Variants in SPOCK3 observed in about 807,000 individuals in gnomAD.
SPOCK3 encodes the protein SPARC (osteonectin), cwcv and kazal like domains proteoglycan 3, also known as testican-3.
SPOCK3 carries 30 observed loss-of-function variants against 56.6 expected under a neutral mutation model. The ratio of observed to expected loss-of-function variants is 0.53; its 90% confidence interval spans 0.40 to 0.72. The LOEUF is 0.72. SPOCK3 is among the 30% of genes least tolerant of loss of function. The pLI is 0.00. For synonymous variants in SPOCK3, 196 were observed against 183.3 expected (o/e 1.07, Z -0.56); for missense variants, 527 against 530.0 (o/e 0.99, Z 0.06).
At chr4:166,771,752 G>T (rs1173110680) in intron 7 of SPOCK3, among the ~76,000 whole-genome samples, 1 of 151,962 alleles carries the variant, frequency 6.6e-6, no homozygotes, top group Admixed American at 6.6e-5. Context: ...AAAATTATTG[G>T]AAGTTTAAAT....
At chr4:166,818,003 T>G (rs1020762331) in intron 6 of SPOCK3, among the ~76,000 whole-genome samples, 1 of 152,100 alleles carries the variant, frequency 6.6e-6, no homozygotes, top group Admixed American at 6.6e-5. Flanking sequence ...TAATGTTCAT[T>G]TTTTTAAATT....
intron 6 of SPOCK3, among the ~76,000 whole-genome samples, chr4:166,848,923 C>T (rs1031317794): frequency 3.6e-4 from 55 of 152,216 alleles, no homozygotes; most frequent in African/African-American, 9.4e-4. Flanking sequence ...TAAACTATGT[C>T]GTTGATTGCT....
chr4:167,211,906 G>T (rs976243763), intron 2 of SPOCK3, among the ~76,000 whole-genome samples: 2 of 152,144 alleles, frequency 1.3e-5, no homozygotes, highest in Non-Finnish European at 2.9e-5. Context: ...GAGCTATGCA[G>T]ATATAAAACA....
chr4:167,197,323 A>G (rs1733050201), intron 2 of SPOCK3, among the ~76,000 whole-genome samples: 1 of 152,188 alleles, frequency 6.6e-6, no homozygotes, highest in Admixed American at 6.5e-5. Context: ...ATTAAGGAGT[A>G]CCTTCTCAGC....
chr4:167,155,866 T>C, intron 2 of SPOCK3, among the ~76,000 whole-genome samples: 1 of 152,168 alleles, frequency 6.6e-6, no homozygotes, highest in East Asian at 1.9e-4. Flanking sequence ...AAATACCTAA[T>C]GCATGCAGAG....
chr4:167,195,320 A>T (rs1166226606), intron 2 of SPOCK3, among the ~76,000 whole-genome samples: 1 of 152,156 alleles, frequency 6.6e-6, no homozygotes, highest in Non-Finnish European at 1.5e-5. Context: ...GGGACTGAGG[A>T]TGAGTTACAA....
At chr4:167,096,956 T>C (rs2150318165) in intron 2 of SPOCK3, among the ~76,000 whole-genome samples, 1 of 151,930 alleles carries the variant, frequency 6.6e-6, no homozygotes, top group East Asian at 1.9e-4. Context: ...TACATACATG[T>C]TTAGTATTGT....
intron 2 of SPOCK3, among the ~76,000 whole-genome samples, chr4:167,119,292 C>G (rs929129271): frequency 2.0e-5 from 3 of 152,162 alleles, no homozygotes; most frequent in East Asian, 1.9e-4. Flanking sequence ...TCAACAATCT[C>G]TCACATAGAG....
At chr4:166,845,235 T>G (rs748943530) in intron 6 of SPOCK3, among the ~76,000 whole-genome samples, 1 of 152,190 alleles carries the variant, frequency 6.6e-6, no homozygotes, top group Non-Finnish European at 1.5e-5. Context: ...GTTGAAATCA[T>G]ATAATAATTA....
At chr4:167,224,807 C>T (rs762713824) in intron 2 of SPOCK3, among the ~76,000 whole-genome samples, 9 of 152,020 alleles carry the variant, frequency 5.9e-5, no homozygotes, top group Admixed American at 3.3e-4. Flanking sequence ...GCTGGGATTA[C>T]AGGCACGTGC....
chr4:167,203,389 C>G (rs971765089), intron 2 of SPOCK3, among the ~76,000 whole-genome samples: 2 of 151,698 alleles, frequency 1.3e-5, no homozygotes, highest in Non-Finnish European at 2.9e-5. Flanking sequence ...CTTTTGGATG[C>G]CATTACAGCA....
chr4:166,926,457 C>A, intron 4 of SPOCK3, among the ~76,000 whole-genome samples: 1 of 152,002 alleles, frequency 6.6e-6, no homozygotes, highest in East Asian at 1.9e-4. Flanking sequence ...TCAGGCTATG[C>A]TATTCAGATC....
intron 6 of SPOCK3, among the ~76,000 whole-genome samples, chr4:166,831,949 T>C (rs911278235): frequency 1.3e-5 from 2 of 151,988 alleles, no homozygotes. Flanking sequence ...TACTTGTTTT[T>C]TGCTTGTCAA....
chr4:167,004,725 T>A (rs1749297285), intron 3 of SPOCK3, among the ~76,000 whole-genome samples: 1 of 152,070 alleles, frequency 6.6e-6, no homozygotes, highest in African/African-American at 2.4e-5. Context: ...ATTATTAATA[T>A]AATAGAAGGG....
At chr4:166,844,064 C>A (rs1014261128) in intron 6 of SPOCK3, among the ~76,000 whole-genome samples, 1 of 152,202 alleles carries the variant, frequency 6.6e-6, no homozygotes, top group African/African-American at 2.4e-5. Flanking sequence ...TGTGGGCCAA[C>A]AGAGTGCGGC....
chr4:167,180,959 T>C (rs2110752462), intron 2 of SPOCK3, among the ~76,000 whole-genome samples: 1 of 152,338 alleles, frequency 6.6e-6, no homozygotes, highest in East Asian at 1.9e-4. Context: ...GTTATTTAAA[T>C]GTTTACATTA....
Position 167,234,100 on chromosome 4 carries a change from G to T in SPOCK3, c.74C>A (p.Ala25Glu). Residue 25 changes from alanine (A) to glutamate (E), a missense_variant, in exon 2 of 11, where the codon GCG (alanine) becomes GAG (glutamate). By Grantham distance (107) the Ala-to-Glu change is moderately radical (BLOSUM62 -1). Coordinates refer to ENST00000357545, the MANE Select transcript of SPOCK3 (RefSeq NM_001040159.2). ...CGACCGCCCCCCGGCTGCAGCCACCGCCGCGGCAGCTGCGAGAGACTGACT... is the reference window on the plus strand; with the variant it reads ...CGACCGCCCCCCGGCTGCAGCCACCTCCGCGGCAGCTGCGAGAGACTGACT... ...WCSQSLAAAA[A>E]VAAAGGRSDG... 6.2e-7 allele frequency: 1 copy of T among 1,613,870 alleles called. No individual in the cohort carries two copies. The highest frequency in any genetic ancestry group is 1.7e-5 in the Admixed American group (1 of 60,012).
intron 2 of SPOCK3, among the ~76,000 whole-genome samples, chr4:167,071,487 G>T (rs1452414708): frequency 6.6e-6 from 1 of 151,626 alleles, no homozygotes; most frequent in Non-Finnish European, 1.5e-5. Flanking sequence ...GAGAACATGC[G>T]GTGCTTGGTT....
Position 167,143,826 on chromosome 4 carries a change from T to C in SPOCK3, c.190-81289A>G, listed in dbSNP as rs150257573. Among the ~76,000 whole-genome samples, 203 of 152,078 alleles carry C rather than the reference T, an allele frequency of 1.3e-3. 4 individuals carry two copies. In the East Asian group the frequency reaches 0.035, roughly 26 times the overall value. ...ACTTTAAATAAACATTTAGCTTATA[T>C]GTAAAATTCTATTAATGAATGAGGT... On this transcript the variant is annotated intron_variant, in intron 2 of 10. Transcript: ENST00000357545.
Sources: gnomAD v4.1 joint callset for allele counts (sites outside exome capture counted in the v4.1 genomes callset) on GRCh38, gnomAD v4.1.1 for gene constraint, MANE v1.5 for transcripts, NCBI Gene and HGNC (gene_info 2026-07-23, HGNC 2026-07-21) for gene names.